Variants in SCCPDH observed in about 807,000 individuals in gnomAD.
The protein encoded by SCCPDH is saccharopine dehydrogenase-like oxidoreductase.
SCCPDH carries 34 observed loss-of-function variants against 51.5 expected under a neutral mutation model. That is an observed-to-expected ratio of 0.66 (90% CI 0.50 to 0.88). SCCPDH has a LOEUF of 0.88. Ranked by LOEUF, SCCPDH falls within the 40% of genes least tolerant of loss-of-function variation. SCCPDH has a pLI of 0.00. For missense variants in SCCPDH, 464 were observed against 527.1 expected (o/e 0.88, Z 1.17); for synonymous variants, 187 against 191.3 (o/e 0.98, Z 0.19).
intron 2 of SCCPDH, among the ~76,000 whole-genome samples, chr1:246,730,490 A>T (rs895603741): frequency 2.6e-5 from 4 of 152,188 alleles, no homozygotes; most frequent in African/African-American, 9.7e-5. Context: ...AAAACGACTG[A>T]ATGAATGAAG....
intron 3 of SCCPDH, among the ~76,000 whole-genome samples, chr1:246,738,138 G>A (rs1668625370): frequency 6.6e-6 from 1 of 152,098 alleles, no homozygotes; most frequent in Non-Finnish European, 1.5e-5. Context: ...GGAGGTTGCA[G>A]TAAGCCAAGA....
At chr1:246,728,091 C>T (rs1043928386) in intron 2 of SCCPDH, among the ~76,000 whole-genome samples, 1 of 152,090 alleles carries the variant, frequency 6.6e-6, no homozygotes, top group Non-Finnish European at 1.5e-5. Context: ...AGGAGAACGG[C>T]TTTTGCTGTT....
At chr1:246,740,091 T>C in intron 3 of SCCPDH, 81 bp from the exon 4 acceptor site, 1 of 1,160,038 alleles carries the variant, frequency 8.6e-7, no homozygotes, top group Non-Finnish European at 1.2e-6. Flanking sequence ...TTTGGTTGCT[T>C]TGTTTTTAAA....
rs528531646 is a variant in SCCPDH, at chr1:246,739,735, A to G, written c.385-437A>G. Among the ~76,000 whole-genome samples the G allele has an allele frequency of 1.7e-4, 26 of 152,300 alleles. 1 individual carries two copies. The highest frequency in any genetic ancestry group is 3.1e-4 in the Non-Finnish European group (21 of 68,014). On this transcript the variant is annotated intron_variant, in intron 3 of 11. Coordinates refer to ENST00000366510, the MANE Select transcript of SCCPDH (RefSeq NM_016002.3). Reference sequence around the variant, plus strand: ...TAAAAAGGAATTTCTAAAAACAGGCAGAAGAGCAGAGCAGACATTATTCCC... The same window carrying G: ...TAAAAAGGAATTTCTAAAAACAGGCGGAAGAGCAGAGCAGACATTATTCCC...
rs1169816218 is a variant in SCCPDH, at chr1:246,767,699, A to G, written c.*399A>G. On this transcript the variant is annotated 3_prime_UTR_variant, in exon 12 of 12. Coordinates refer to ENST00000366510, the MANE Select transcript of SCCPDH (RefSeq NM_016002.3). ...CTTGCCGCAGTAGGAGGGAAATCTCACCTTCCTTCCACATACTGTCTTGAG... is the reference window on the plus strand; with the variant it reads ...CTTGCCGCAGTAGGAGGGAAATCTCGCCTTCCTTCCACATACTGTCTTGAG... The G allele has an allele frequency of 6.5e-6, 1 of 153,412 alleles. No individual in the cohort carries two copies. The highest frequency in any genetic ancestry group is 1.9e-4 in the East Asian group (1 of 5,238). The allele number at this position is 153,412 out of a possible 1,614,324, so 9.5% of individuals were successfully genotyped here. A position where few individuals can be genotyped will look rare whatever the true frequency, so the allele number is the denominator to read the frequency against.
Position 246,753,162 on chromosome 1 carries a change from C to T in SCCPDH, c.565-5064C>T, listed in dbSNP as rs577027126. On this transcript the variant is annotated intron_variant, in intron 5 of 11. Coordinates refer to ENST00000366510, the MANE Select transcript of SCCPDH (RefSeq NM_016002.3). ...GAGTCTCCTGGCTTTACTCTTTCAT[C>T]CTCTTTATGTTGCCTGGAGAGTGGG... Among the ~76,000 whole-genome samples, 10 of 152,030 alleles carry T rather than the reference C, an allele frequency of 6.6e-5. No individual in the cohort carries two copies. The East Asian group carries it at 9.7e-4, about 15-fold the overall frequency.
chr1:246,740,947 G>T (rs1159468553), intron 4 of SCCPDH, among the ~76,000 whole-genome samples: 2 of 152,096 alleles, frequency 1.3e-5, no homozygotes, highest in African/African-American at 4.8e-5. Flanking sequence ...AGGTGTGGTG[G>T]TGCACACCTG....
chr1:246,728,405 G>C (rs1668435314), intron 2 of SCCPDH, among the ~76,000 whole-genome samples: 1 of 152,062 alleles, frequency 6.6e-6, no homozygotes, highest in African/African-American at 2.4e-5. Flanking sequence ...TTTCTCCTCA[G>C]TACTCTGGAA....
At chr1:246,763,266 T>TGATAGTAGCCACCCA (rs1301783367) in intron 9 of SCCPDH, among the ~76,000 whole-genome samples, 18 of 152,266 alleles carry the variant, frequency 1.2e-4, no homozygotes, top group African/African-American at 4.3e-4. Context: ...TTTGATTAAT[T>TGATAGTAGCCACCCA]GATAGTAGCC....
chr1:246,724,852 C>T (rs943122018), intron 1 of SCCPDH, among the ~76,000 whole-genome samples: 3 of 151,930 alleles, frequency 2.0e-5, no homozygotes, highest in Non-Finnish European at 4.4e-5. Flanking sequence ...TTCTTTCCTT[C>T]TCCTCTTTCC....
At chr1:246,726,425 A>T (rs1364714728) in intron 1 of SCCPDH, among the ~76,000 whole-genome samples, 2 of 150,682 alleles carry the variant, frequency 1.3e-5, no homozygotes, top group African/African-American at 4.9e-5. Context: ...TTTAGTAGAG[A>T]CAAGGTCTTG....
At chr1:246,761,070 A>G (rs1224084171) in intron 9 of SCCPDH, among the ~76,000 whole-genome samples, 1 of 151,924 alleles carries the variant, frequency 6.6e-6, no homozygotes, top group Non-Finnish European at 1.5e-5. Context: ...TCTCTGGATG[A>G]TATACTCCCT....
chr1:246,767,419 A>G lies in SCCPDH; in HGVS notation c.*119A>G, dbSNP rs987281299. The G allele has an allele frequency of 1.0e-5, 5 of 494,928 alleles. No individual in the cohort carries two copies. The highest frequency in any genetic ancestry group is 6.0e-5 in the African/African-American group (3 of 50,160). The allele number at this position is 494,928 out of a possible 1,614,324, so 30.7% of individuals were successfully genotyped here. On this transcript the variant is annotated 3_prime_UTR_variant, in exon 12 of 12. Coordinates refer to ENST00000366510, the MANE Select transcript of SCCPDH (RefSeq NM_016002.3). ...TGTGGAAACGATTGTCAAATCTAAA[A>G]TATCTATATATTAAAAAGTAGGAAA...
intron 4 of SCCPDH, among the ~76,000 whole-genome samples, chr1:246,743,262 A>G (rs548616868): frequency 6.6e-6 from 1 of 152,162 alleles, no homozygotes; most frequent in South Asian, 2.1e-4. Flanking sequence ...GACTACAGAT[A>G]CATGCCACTG....
intron 9 of SCCPDH, among the ~76,000 whole-genome samples, chr1:246,763,263 A>G (rs956619636): frequency 2.0e-5 from 3 of 152,148 alleles, no homozygotes; most frequent in Admixed American, 6.5e-5. Context: ...AACTTTGATT[A>G]ATTGATAGTA....
rs1314226737 is a variant in SCCPDH at position 246,748,944 on chromosome 1, A to G, written c.564+4819A>G. On this transcript the variant is annotated intron_variant, in intron 5 of 11. Coordinates refer to ENST00000366510, the MANE Select transcript of SCCPDH (RefSeq NM_016002.3). ...GCAGACTGGTGGGTAAGCTCTGGAA[A>G]AGGCTTGGTTTCACTGCACCCTGTT... 2.0e-5 allele frequency among the ~76,000 whole-genome samples: 3 copies of G among 152,304 alleles called. No individual in the cohort carries two copies. The East Asian group carries it at 5.8e-4, about 29-fold the overall frequency.
rs566699006 is a variant in SCCPDH, at chr1:246,746,851, A to G, written c.564+2726A>G. Among the ~76,000 whole-genome samples, 4 of 152,366 alleles carry G rather than the reference A, an allele frequency of 2.6e-5. No individual in the cohort carries two copies. In the East Asian group the frequency reaches 7.7e-4, roughly 29 times the overall value. On this transcript the variant is annotated intron_variant, in intron 5 of 11. Coordinates refer to ENST00000366510, the MANE Select transcript of SCCPDH (RefSeq NM_016002.3). ...GCAAGAGACTGTGTCAAAAATAAAA[A>G]TAAGTGATAGTGGGCCTGAGTAATT... is the stretch of plus-strand genomic sequence containing the variant.
chr1:246,731,710 AT>A (rs1325494582), intron 2 of SCCPDH, among the ~76,000 whole-genome samples: 1 of 150,020 alleles, frequency 6.7e-6, no homozygotes, highest in African/African-American at 2.5e-5. Flanking sequence ...TACTGTAGGG[AT>A]TTTTTTGTTT....
chr1:246,762,841 C>CAAAAAA (rs35066232), intron 9 of SCCPDH, among the ~76,000 whole-genome samples: 1 of 90,940 alleles, frequency 1.1e-5, no homozygotes, highest in Non-Finnish European at 2.2e-5. Flanking sequence ...ATTCCTTCTC[C>CAAAAAA]AAAAAAAAAA....
Sources: gnomAD v4.1 joint callset for allele counts (sites outside exome capture counted in the v4.1 genomes callset) on GRCh38, gnomAD v4.1.1 for gene constraint, MANE v1.5 for transcripts, NCBI Gene and HGNC (gene_info 2026-07-23, HGNC 2026-07-21) for gene names.